The following PRKCE variants were observed in gnomAD, a reference collection of about 807,000 sequenced individuals.
The protein encoded by PRKCE is protein kinase C epsilon.
Under a neutral mutation model 85.4 loss-of-function variants are expected in PRKCE, and 16 were observed. The observed-to-expected ratio is 0.19, with a 90% CI of 0.13 to 0.28. PRKCE has a LOEUF of 0.28. Among genes scored for constraint, PRKCE ranks in the 10% least tolerant of loss-of-function variants. The pLI, the probability that PRKCE is intolerant of heterozygous loss-of-function variation, is 1.00. For synonymous variants in PRKCE, 388 were observed against 371.5 expected (o/e 1.04, Z -0.51); for missense variants, 573 against 975.2 (o/e 0.59, Z 5.49).
At chr2:46,021,048 C>T (rs1435324981) in intron 10 of PRKCE, among the ~76,000 whole-genome samples, 1 of 152,108 alleles carries the variant, frequency 6.6e-6, no homozygotes, top group African/African-American at 2.4e-5. Flanking sequence ...CCACCTTTGC[C>T]TCCTGGGGGT....
intron 1 of PRKCE, among the ~76,000 whole-genome samples, chr2:45,672,501 A>G (rs151236313): frequency 2.0e-5 from 3 of 152,308 alleles, no homozygotes; most frequent in African/African-American, 7.2e-5. Context: ...CTGTCAGTTT[A>G]TTGGTCATAT....
rs1055013695 is a variant in PRKCE at position 46,155,897 on chromosome 2, G to A, written c.1921-3709G>A. Among the ~76,000 whole-genome samples, 3 of 151,752 alleles carry A rather than the reference G, an allele frequency of 2.0e-5. No individual in the cohort carries two copies. Among genetic ancestry groups the A allele is most frequent in the East Asian group, 1.9e-4 (1 of 5,164 alleles). ...TCTTGTGTCCTTCTCATCTCTGTAC[G>A]TCTATCAGAGTGATCTCTTAGTGGG... On this transcript the variant is annotated intron_variant, in intron 13 of 14. Coordinates refer to ENST00000306156, the MANE Select transcript of PRKCE (RefSeq NM_005400.3). This position sits in a 1 kb window ranked among gnomAD's most constrained non-coding sequence, Gnocchi z 4.7.
chr2:45,723,499 C>G (rs1159611786), intron 1 of PRKCE, among the ~76,000 whole-genome samples: 1 of 152,192 alleles, frequency 6.6e-6, no homozygotes, highest in Non-Finnish European at 1.5e-5. Flanking sequence ...TTTTTTCTAA[C>G]CTGTTTGCCC....
At position 45,976,541 on chromosome 2, in the gene PRKCE, C is replaced by G. The variant is rs1208704506; in HGVS notation, c.525C>G (p.Thr175=). ...TCAACGGCCACAAGTTCATGGCCAC[C>G]TATCTTCGGCAGCCCACCTACTGCT... ...HQVNGHKFMA[T]YLRQPTYCSH... is the part of the protein sequence containing the mutation. Residue 175 remains threonine (T), a synonymous_variant, in exon 3 of 15, where the codon ACC becomes ACG. Coordinates refer to ENST00000306156, the MANE Select transcript of PRKCE (RefSeq NM_005400.3). 1 of 1,599,780 alleles carries G rather than the reference C, an allele frequency of 6.3e-7. No homozygotes were observed. The highest frequency in any genetic ancestry group is 1.1e-5 in the South Asian group (1 of 91,086).
rs79665777 is a variant in PRKCE, at chr2:45,774,060, C to T, written c.349-68940C>T. On this transcript the variant is annotated intron_variant, in intron 1 of 14. Transcript: ENST00000306156. The surrounding 1 kb of genome is among the most constrained non-coding windows in gnomAD (Gnocchi z 4.3). The stretch of plus-strand genomic sequence containing the variant: ...TCTAGACCCCAGAGTCCTCCCCTCC[C>T]CCGCTGCTGCTGTTCATCTTGGGGG... 3.7e-4 allele frequency among the ~76,000 whole-genome samples: 57 copies of T among 152,352 alleles called. No individual in the cohort carries two copies. The East Asian group carries it at 0.011, about 29-fold the overall frequency.
In PRKCE at chr2:45,752,606, T is replaced by C. The variant is rs554469508; in HGVS notation, c.349-90394T>C. On this transcript the variant is annotated intron_variant, in intron 1 of 14. Coordinates refer to ENST00000306156, the MANE Select transcript of PRKCE (RefSeq NM_005400.3). The stretch of plus-strand genomic sequence containing the variant: ...TGAGAGCCGGTCTCGGTGATCTCCC[T>C]TGCTCAGCCAGAACATTCTGTGATT... Among the ~76,000 whole-genome samples, 272 of 152,308 alleles carry C rather than the reference T, an allele frequency of 1.8e-3. 2 individuals are homozygous for C. The highest frequency in any genetic ancestry group is 6.3e-3 in the African/African-American group (260 of 41,574).
intron 1 of PRKCE, among the ~76,000 whole-genome samples, chr2:45,736,174 T>G (rs1029253958): frequency 1.3e-5 from 2 of 152,192 alleles, no homozygotes; most frequent in Non-Finnish European, 2.9e-5. Flanking sequence ...TTGGCTGGGC[T>G]GGTCTTGAAC....
chr2:45,883,597 A>C (rs780799940), intron 2 of PRKCE, among the ~76,000 whole-genome samples: 7 of 152,172 alleles, frequency 4.6e-5, no homozygotes, highest in Non-Finnish European at 1.0e-4. Flanking sequence ...GGAGGCATTA[A>C]ATGTATACTA....
chr2:45,881,942 A>G (rs6715058), intron 2 of PRKCE, among the ~76,000 whole-genome samples: 11,323 of 152,240 alleles, frequency 0.074, 1,399 homozygotes, highest in African/African-American at 0.26. Flanking sequence ...TCATGACAGT[A>G]GCCTAAGGAG....
intron 1 of PRKCE, among the ~76,000 whole-genome samples, chr2:45,722,916 CAT>C (rs1340227678): frequency 2.6e-5 from 4 of 152,202 alleles, no homozygotes; most frequent in Non-Finnish European, 5.9e-5. Flanking sequence ...GCCTGGCTAA[CAT>C]AGTGAAATCC....
intron 2 of PRKCE, among the ~76,000 whole-genome samples, chr2:45,935,067 TCACACA>T (rs1553453521): frequency 6.8e-6 from 1 of 146,248 alleles, no homozygotes; most frequent in Non-Finnish European, 1.5e-5. Context: ...ACTCTCTCTC[TCACACA>T]CACACACACA....
intron 10 of PRKCE, among the ~76,000 whole-genome samples, chr2:46,080,891 G>A (rs1455692404): frequency 6.6e-6 from 1 of 152,092 alleles, no homozygotes; most frequent in Admixed American, 6.5e-5. Context: ...CCCAGCTCCA[G>A]GTTCTGCAGA....
rs1031195583 is a variant in PRKCE, at chr2:45,652,754, G to A, written c.348+306G>A. Among the ~76,000 whole-genome samples, 4 of 152,214 alleles carry A rather than the reference G, an allele frequency of 2.6e-5. No individual in the cohort carries two copies. The highest frequency in any genetic ancestry group is 1.3e-4 in the Admixed American group (2 of 15,288). ...CCACTGGTGCTGAAGGTTGGCCGAG[G>A]ACCCGGCTTTCTTCCGCAGGCGCGT... is the stretch of plus-strand genomic sequence containing the variant. On this transcript the variant is annotated intron_variant, in intron 1 of 14. Coordinates refer to ENST00000306156, the MANE Select transcript of PRKCE (RefSeq NM_005400.3). The surrounding 1 kb of genome is among the most constrained non-coding windows in gnomAD (Gnocchi z 7.7).
intron 1 of PRKCE, among the ~76,000 whole-genome samples, chr2:45,791,215 T>C (rs1687007944): frequency 6.6e-6 from 1 of 152,212 alleles, no homozygotes. Context: ...ATCAGCCCCT[T>C]TAAGTCCTTT....
intron 1 of PRKCE, among the ~76,000 whole-genome samples, chr2:45,726,883 C>T (rs1681120846): frequency 6.6e-6 from 1 of 152,140 alleles, no homozygotes; most frequent in South Asian, 2.1e-4. Context: ...CCAGGGCTGA[C>T]TTTGCTGCTT....
chr2:45,695,822 A>G (rs1231431502), intron 1 of PRKCE, among the ~76,000 whole-genome samples: 1 of 152,226 alleles, frequency 6.6e-6, no homozygotes, highest in African/African-American at 2.4e-5. Flanking sequence ...TGTAGGATGC[A>G]AGGTCTCATG....
chr2:45,661,981 C>T (rs557634707), intron 1 of PRKCE, among the ~76,000 whole-genome samples: 90 of 152,248 alleles, frequency 5.9e-4, no homozygotes, highest in Admixed American at 8.5e-4. Context: ...CTTCTTTCCC[C>T]AGGCAGATAT....
At chr2:46,031,651 A>T (rs903098166) in intron 10 of PRKCE, among the ~76,000 whole-genome samples, 1 of 150,446 alleles carries the variant, frequency 6.6e-6, no homozygotes, top group African/African-American at 2.5e-5. Flanking sequence ...AAACCCACTT[A>T]CCCAGAGTAA....
At chr2:45,779,601 A>T (rs1339441096) in intron 1 of PRKCE, among the ~76,000 whole-genome samples, 1 of 148,868 alleles carries the variant, frequency 6.7e-6, no homozygotes, top group Non-Finnish European at 1.5e-5. Flanking sequence ...AATATATTAA[A>T]GTAAAAAAAA....
Sources: allele counts gnomAD v4.1 joint callset (sites outside exome capture counted in the v4.1 genomes callset), GRCh38; gene constraint gnomAD v4.1.1; non-coding constraint Gnocchi (gnomAD v3.1); transcripts MANE v1.5; gene names NCBI Gene and HGNC (gene_info 2026-07-23, HGNC 2026-07-21).